The following STRN3 variants were observed in gnomAD, a reference collection of about 807,000 sequenced individuals.
STRN3 encodes the protein striatin-3.
A neutral mutation model predicts 95.6 loss-of-function variants in STRN3; 29 were observed. That is an observed-to-expected ratio of 0.30 (90% confidence interval 0.23 to 0.41). The LOEUF (loss-of-function observed/expected upper bound fraction) is 0.41. Ranked by LOEUF, STRN3 falls within the 10% of genes least tolerant of loss-of-function variation. The pLI is 1.00. For missense variants in STRN3, 890 were observed against 972.1 expected, an observed-to-expected ratio of 0.92 and a Z score of 1.12; for synonymous variants, 331 against 357.6, an observed-to-expected ratio of 0.93 and a Z score of 0.84.
At chr14:30,944,151 G>A (rs1232026709) in intron 5 of STRN3, among the ~76,000 whole-genome samples, 1 of 151,832 alleles carries the variant, frequency 6.6e-6, no homozygotes, top group Non-Finnish European at 1.5e-5. Context: ...GAGTGAGGGG[G>A]AAAAAAACGA....
rs35736582 is a variant in STRN3, at chr14:30,933,280, TA to T, written c.988+1882del. On this transcript the variant is annotated intron_variant, in intron 7 of 17. Coordinates refer to ENST00000357479, the MANE Select transcript of STRN3 (RefSeq NM_001083893.2). The stretch of plus-strand genomic sequence containing the variant: ...GGCAATAAAGCGAGACCCTGTTTCA[TA>T]AAAAAAAAAAAAAAAAAAAAAAAAC... Among the ~76,000 whole-genome samples, 91 of 22,778 alleles carry T rather than the reference TA, an allele frequency of 4.0e-3. 1 individual carries two copies. In the East Asian group the frequency reaches 0.053, roughly 13 times the overall value. 14.9% of individuals were successfully genotyped at this position (22,778 alleles called of 152,430 possible).
intron 9 of STRN3, among the ~76,000 whole-genome samples, chr14:30,916,761 G>C (rs1217156016): frequency 6.6e-6 from 1 of 152,096 alleles, no homozygotes; most frequent in East Asian, 1.9e-4. Flanking sequence ...AAATTTAGGA[G>C]GCCTAAGAGA....
At chr14:30,986,876 A>T (rs1321150719) in intron 1 of STRN3, among the ~76,000 whole-genome samples, 1 of 152,238 alleles carries the variant, frequency 6.6e-6, no homozygotes, top group Non-Finnish European at 1.5e-5. Context: ...TCTCTCACAC[A>T]TACTACATAT....
At chr14:30,984,087 T>C (rs889888996) in intron 1 of STRN3, among the ~76,000 whole-genome samples, 3 of 150,940 alleles carry the variant, frequency 2.0e-5, no homozygotes, top group Non-Finnish European at 4.4e-5. Flanking sequence ...TATTGCAAGA[T>C]ATCTTGGATA....
chr14:30,904,827 T>C (rs1896418120), intron 15 of STRN3, among the ~76,000 whole-genome samples: 1 of 151,884 alleles, frequency 6.6e-6, no homozygotes, highest in Non-Finnish European at 1.5e-5. Flanking sequence ...TTTGAATAAG[T>C]CTTTAGATCT....
At chr14:30,953,607 T>C (rs1299601831) in intron 3 of STRN3, among the ~76,000 whole-genome samples, 2 of 152,114 alleles carry the variant, frequency 1.3e-5, no homozygotes, top group African/African-American at 4.8e-5. Flanking sequence ...TTTTGAGGAG[T>C]GGAGTTACTG....
chr14:30,940,621 G>A (rs531454671), intron 5 of STRN3, among the ~76,000 whole-genome samples: 2 of 152,122 alleles, frequency 1.3e-5, no homozygotes, highest in South Asian at 2.1e-4. Context: ...GATTATGGCC[G>A]CTGTATGGAT....
At chr14:30,908,779 C>T (rs776212255) in intron 13 of STRN3, among the ~76,000 whole-genome samples, 2 of 152,170 alleles carry the variant, frequency 1.3e-5, no homozygotes, top group Non-Finnish European at 2.9e-5. Context: ...TTACTGAGGA[C>T]TTTAGTCCCA....
At chr14:30,923,090 C>T (rs756271641) in intron 8 of STRN3, among the ~76,000 whole-genome samples, 3 of 152,092 alleles carry the variant, frequency 2.0e-5, no homozygotes, top group African/African-American at 7.2e-5. Context: ...GTGGGCTCTT[C>T]GAATTAGTAC....
intron 9 of STRN3, among the ~76,000 whole-genome samples, chr14:30,916,450 T>C (rs1449105596): frequency 1.3e-5 from 2 of 152,054 alleles, no homozygotes; most frequent in African/African-American, 2.4e-5. Flanking sequence ...AATTTTTTTG[T>C]ATTTTTAGTA....
intron 6 of STRN3, among the ~76,000 whole-genome samples, chr14:30,936,287 G>A (rs1264695535): frequency 2.0e-5 from 3 of 152,126 alleles, no homozygotes; most frequent in African/African-American, 7.2e-5. Context: ...TATAAATACA[G>A]ACCTTTTCTT....
chr14:30,944,159 C>T (rs74515104), intron 5 of STRN3, among the ~76,000 whole-genome samples: 14,463 of 151,880 alleles, frequency 0.095, 750 homozygotes, highest in South Asian at 0.16. Context: ...GGGAAAAAAA[C>T]GAAAGGATCT....
intron 5 of STRN3, among the ~76,000 whole-genome samples, chr14:30,944,576 C>T (rs1879266811): frequency 7.1e-6 from 1 of 141,798 alleles, no homozygotes; most frequent in Non-Finnish European, 1.5e-5. Flanking sequence ...TATATACACA[C>T]ACAGACACAC....
intron 3 of STRN3, among the ~76,000 whole-genome samples, chr14:30,951,189 G>C (rs535724758): frequency 6.6e-6 from 1 of 152,182 alleles, no homozygotes; most frequent in Admixed American, 6.5e-5. Context: ...TACTTTATTA[G>C]TATCAAGGAA....
At chr14:30,927,358 C>CT (rs959029492) in intron 8 of STRN3, among the ~76,000 whole-genome samples, 2 of 151,504 alleles carry the variant, frequency 1.3e-5, no homozygotes, top group Non-Finnish European at 2.9e-5. Context: ...CTTAAACATA[C>CT]TTTTTTTAAT....
intron 3 of STRN3, 70 bp from the exon 4 acceptor site, chr14:30,951,014 T>C: frequency 7.5e-7 from 1 of 1,328,712 alleles, no homozygotes; most frequent in Non-Finnish European, 1.1e-6. Flanking sequence ...AAAGTTTTCT[T>C]AGGGATAAAT....
intron 7 of STRN3, 82 bp from the exon 8 acceptor site, chr14:30,929,393 A>G: frequency 9.7e-7 from 1 of 1,029,444 alleles, no homozygotes; most frequent in South Asian, 1.4e-5. Flanking sequence ...ATAGCTTTAC[A>G]TAATCATAAT....
At chr14:30,955,142 T>C (rs1484030640) in intron 3 of STRN3, among the ~76,000 whole-genome samples, 2 of 152,136 alleles carry the variant, frequency 1.3e-5, no homozygotes, top group Non-Finnish European at 1.5e-5. Context: ...AGAAAACCTA[T>C]GCCACTCCCA....
chr14:30,901,412 G>A (rs1034038233), intron 16 of STRN3, among the ~76,000 whole-genome samples: 3 of 152,100 alleles, frequency 2.0e-5, no homozygotes, highest in African/African-American at 7.2e-5. Context: ...TGAAAGTAAT[G>A]TTTGAACAAA....
Sources: allele counts gnomAD v4.1 joint callset (sites outside exome capture counted in the v4.1 genomes callset), GRCh38; gene constraint gnomAD v4.1.1; transcripts MANE v1.5; gene names NCBI Gene and HGNC (gene_info 2026-07-23, HGNC 2026-07-21).